Variants in PLEKHH2 observed in about 807,000 individuals in gnomAD.
PLEKHH2 encodes the protein pleckstrin homology, MyTH4 and FERM domain containing H2.
In PLEKHH2, 129 loss-of-function variants were observed where a neutral mutation model predicts 187.9. The observed-to-expected ratio is 0.69, with a 90% CI of 0.59 to 0.79. The LOEUF (loss-of-function observed/expected upper bound fraction) is 0.79. Among genes scored for constraint, PLEKHH2 ranks in the 30% least tolerant of loss-of-function variants. The probability of loss-of-function intolerance (pLI) is 0.00; values close to 1 mark genes in which losing one functional copy is unlikely to be tolerated. For synonymous variants in PLEKHH2, 686 were observed against 605.6 expected (o/e 1.13, Z -1.95); for missense variants, 2,076 against 1,751.2 (o/e 1.19, Z -3.31).
At chr2:43,671,705 A>G (rs1288842747) in intron 2 of PLEKHH2, among the ~76,000 whole-genome samples, 1 of 152,344 alleles carries the variant, frequency 6.6e-6, no homozygotes, top group East Asian at 1.9e-4. Context: ...TTCTTCATCT[A>G]TCGAAATGAT....
At chr2:43,740,680 C>G (rs1016645993) in intron 20 of PLEKHH2, 3 of 288,084 alleles carry the variant, frequency 1.0e-5, no homozygotes, top group Admixed American at 5.4e-5. Flanking sequence ...TTGAGTGTAA[C>G]GTCAAAAAGG....
intron 2 of PLEKHH2, among the ~76,000 whole-genome samples, chr2:43,667,416 A>C (rs1667270328): frequency 1.3e-5 from 2 of 152,212 alleles, no homozygotes; most frequent in African/African-American, 4.8e-5. Context: ...TTATTATATG[A>C]CCCAGAAGTT....
chr2:43,720,746 T>C lies in PLEKHH2; in HGVS notation c.2538T>C (p.Asp846=). Reference sequence around the variant, plus strand: ...TATATTATTTTCGGAGTCAAGAAGATAAGGTATGTATGTATTTTTAATATG... The same window carrying C: ...TATATTATTTTCGGAGTCAAGAAGACAAGGTATGTATGTATTTTTAATATG... ...KTLYYFRSQE[D]KFPLGQIKLW... is the part of the protein sequence containing the mutation. The change falls in exon 16 of 30, where the codon GAT becomes GAC. Residue 846 remains aspartate, a synonymous_variant. Coordinates refer to ENST00000282406, the MANE Select transcript of PLEKHH2 (RefSeq NM_172069.4). 3 of 1,608,170 alleles carry C rather than the reference T, an allele frequency of 1.9e-6. No individual in the cohort carries two copies. The highest frequency in any genetic ancestry group is 2.5e-6 in the Non-Finnish European group (3 of 1,178,086).
rs1259870428 is a variant in PLEKHH2 at position 43,729,707 on chromosome 2, A to G, written c.2792A>G (p.Gln931Arg). ...NNVNVGSEFE[Q>R]LVCKLLNIDG... The stretch of plus-strand genomic sequence containing the variant: ...GTAAACGTTGGATCTGAATTTGAAC[A>G]ACTGGTTTGCAAATTGCTAAATATA... The change falls in exon 18 of 30, where the codon CAA becomes CGA. Residue 931 changes from glutamine (Q) to arginine (R), a missense_variant. Gln to Arg is a conservative substitution (Grantham distance 43). Coordinates refer to ENST00000282406, the MANE Select transcript of PLEKHH2 (RefSeq NM_172069.4). The G allele has an allele frequency of 3.7e-6, 6 of 1,608,596 alleles. No individual in the cohort carries two copies. Among genetic ancestry groups the G allele is most frequent in the Non-Finnish European group, 4.2e-6 (5 of 1,178,262 alleles).
intron 24 of PLEKHH2, among the ~76,000 whole-genome samples, chr2:43,748,085 G>T (rs114188977): frequency 4.9e-4 from 75 of 152,250 alleles, no homozygotes; most frequent in South Asian, 6.2e-4. Flanking sequence ...CATATTTTGG[G>T]CTCTTCTCTC....
At chr2:43,684,349 T>C (rs1377789067) in intron 3 of PLEKHH2, among the ~76,000 whole-genome samples, 2 of 152,088 alleles carry the variant, frequency 1.3e-5, no homozygotes, top group African/African-American at 4.8e-5. Context: ...TCCCTATCTT[T>C]CCCTTCCCTT....
At chr2:43,720,820 T>A in intron 16 of PLEKHH2, 71 bp downstream of exon 16, 1 of 1,520,458 alleles carries the variant, frequency 6.6e-7, no homozygotes, top group Non-Finnish European at 8.8e-7. Context: ...TTTCCTTTTC[T>A]CTCTTCTCTT....
Position 43,742,993 on chromosome 2 carries a change from C to T in PLEKHH2, c.3399+75C>T, listed in dbSNP as rs1671639219. 4.1e-6 allele frequency: 5 copies of T among 1,207,368 alleles called. No homozygotes were observed. The African/African-American group carries it at 4.7e-5, about 11-fold the overall frequency. 74.8% of individuals were successfully genotyped at this position (1,207,368 alleles called of 1,614,324 possible). The stretch of plus-strand genomic sequence containing the variant: ...TCTGTTATAGGGAACAGAGACTTCT[C>T]TGCTTACTTTTGTCAGCACCTGGCA... On this transcript the variant is annotated intron_variant, in intron 22 of 29. Coordinates refer to ENST00000282406, the MANE Select transcript of PLEKHH2 (RefSeq NM_172069.4).
In PLEKHH2 at chr2:43,710,584, CTTTTTTTTTTTTTT is replaced by C. The variant is rs376851824; in HGVS notation, c.2301+20_2301+33del. 7 of 1,241,306 alleles carry C rather than the reference CTTTTTTTTTTTTTT, an allele frequency of 5.6e-6. No homozygotes were observed. The South Asian group carries it at 5.7e-5, about 10-fold the overall frequency. The allele number at this position is 1,241,306 out of a possible 1,614,324, so 76.9% of individuals were successfully genotyped here. A position where few individuals can be genotyped will look rare whatever the true frequency, so the allele number is the denominator to read the frequency against. On this transcript the variant is annotated intron_variant, in intron 14 of 29. Transcript: ENST00000282406. ...ACAAACAAACAGTTCAGGTACTTAA[CTTTTTTTTTTTTTT>C]TTTTTTTTTTGTATCATGCCAGACT...
chr2:43,710,669 A>G, intron 14 of PLEKHH2, 94 bp downstream of exon 14: 3 of 1,485,566 alleles, frequency 2.0e-6, no homozygotes, highest in Non-Finnish European at 2.7e-6. Flanking sequence ...AGGATAATTC[A>G]GTGTTTCTTT....
intron 3 of PLEKHH2, among the ~76,000 whole-genome samples, chr2:43,682,227 A>C (rs953505402): frequency 4.6e-5 from 7 of 152,234 alleles, no homozygotes; most frequent in Non-Finnish European, 1.0e-4. Flanking sequence ...TCAAAGATCT[A>C]GTCAGTATTC....
intron 4 of PLEKHH2, among the ~76,000 whole-genome samples, 170 bp from the exon 5 acceptor site, chr2:43,694,261 T>C (rs1035212541): frequency 2.0e-5 from 3 of 152,228 alleles, no homozygotes; most frequent in Non-Finnish European, 2.9e-5. Flanking sequence ...TGGTTTCTTA[T>C]TGTATCTACC....
intron 14 of PLEKHH2, 111 bp downstream of exon 14, chr2:43,710,686 T>C (rs372325771): frequency 2.7e-6 from 4 of 1,477,748 alleles, no homozygotes; most frequent in African/African-American, 2.9e-5. Flanking sequence ...CTTTATTCAC[T>C]TTGGGGGGTT....
At position 43,706,382 on chromosome 2, in the gene PLEKHH2, A is replaced by G; in HGVS notation, c.1787A>G (p.Asn596Ser). The G allele has an allele frequency of 1.2e-6, 2 of 1,606,884 alleles. No individual in the cohort carries two copies. The highest frequency in any genetic ancestry group is 1.7e-4 in the Middle Eastern group (1 of 6,048). ...CTTTATACATCTCTGATATACAAGAACATGACCACCCCAGTGTATACAACT... is the reference window on the plus strand; with the variant it reads ...CTTTATACATCTCTGATATACAAGAGCATGACCACCCCAGTGTATACAACT... Reference protein sequence around the residue: ...SGLYTSLIYKNMTTPVYTTLK... With the variant: ...SGLYTSLIYKSMTTPVYTTLK... Residue 596 changes from asparagine (N) to serine (S), a missense_variant, in exon 10 of 30, where the codon AAC becomes AGC. Physicochemically the swap from Asn to Ser is conservative, Grantham distance 46. Coordinates refer to ENST00000282406, the MANE Select transcript of PLEKHH2 (RefSeq NM_172069.4).
At chr2:43,653,386 G>A (rs1484746041) in intron 2 of PLEKHH2, among the ~76,000 whole-genome samples, 16 of 152,124 alleles carry the variant, frequency 1.1e-4, no homozygotes, top group Admixed American at 1.3e-4. Flanking sequence ...ATGAAAAAAT[G>A]TCTTCAAAAT....
rs770110994 is a variant in PLEKHH2 at position 43,710,338 on chromosome 2, G to A, written c.2214+8G>A. The A allele has an allele frequency of 6.2e-7, 1 of 1,611,428 alleles. No homozygotes were observed. Among genetic ancestry groups the A allele is most frequent in the South Asian group, 1.1e-5 (1 of 90,966 alleles). On this transcript the variant is annotated splice_region_variant and intron_variant, in intron 13 of 29. Coordinates refer to ENST00000282406, the MANE Select transcript of PLEKHH2 (RefSeq NM_172069.4). ...CTTTACTACAAATCTCCGGTGAGTG[G>A]AAAGTGTTTTCTGTTTAGAACGTAA...
At chr2:43,714,983 A>G (rs1006080648) in intron 15 of PLEKHH2, among the ~76,000 whole-genome samples, 2 of 152,176 alleles carry the variant, frequency 1.3e-5, no homozygotes, top group African/African-American at 2.4e-5. Context: ...GACAGCGCGA[A>G]TGAAGGCTTA....
At chr2:43,687,112 G>T (rs559896489) in intron 3 of PLEKHH2, among the ~76,000 whole-genome samples, 1 of 152,310 alleles carries the variant, frequency 6.6e-6, no homozygotes, top group African/African-American at 2.4e-5. Flanking sequence ...AGTGAACATA[G>T]TACCCAATAG....
intron 16 of PLEKHH2, among the ~76,000 whole-genome samples, chr2:43,723,428 A>T (rs1670583700): frequency 6.6e-6 from 1 of 152,224 alleles, no homozygotes; most frequent in Admixed American, 6.5e-5. Flanking sequence ...TGAAAATGTG[A>T]CAAGGCAAAG....
Sources: allele counts gnomAD v4.1 joint callset (sites outside exome capture counted in the v4.1 genomes callset), GRCh38; gene constraint gnomAD v4.1.1; transcripts MANE v1.5; gene names NCBI Gene and HGNC (gene_info 2026-07-23, HGNC 2026-07-21).